CDH18: variants seen among roughly 807,000 people sequenced by gnomAD.
CDH18 encodes cadherin-18.
CDH18 carries 31 observed loss-of-function variants against 67.9 expected under a neutral mutation model. That is an observed-to-expected ratio of 0.46 (90% CI 0.34 to 0.62). CDH18 has a LOEUF of 0.62. Among genes scored for constraint, CDH18 ranks in the 20% least tolerant of loss-of-function variants. CDH18 has a pLI of 0.01. For synonymous variants in CDH18, 362 were observed against 347.2 expected, an observed-to-expected ratio of 1.04 and a Z score of -0.48; for missense variants, 890 against 975.5, an observed-to-expected ratio of 0.91 and a Z score of 1.17.
chr5:19,566,731 C>T (rs1740473167), intron 8 of CDH18, among the ~76,000 whole-genome samples: 1 of 152,126 alleles, frequency 6.6e-6, no homozygotes, highest in South Asian at 2.1e-4. Flanking sequence ...GGTGAGGACA[C>T]AGCCAAACCA....
intron 2 of CDH18, among the ~76,000 whole-genome samples, chr5:19,882,464 T>A (rs962727970): frequency 1.3e-5 from 2 of 152,106 alleles, no homozygotes; most frequent in East Asian, 3.8e-4. Flanking sequence ...GTCAAATGAA[T>A]CTTAAGAGAT....
At chr5:19,739,509 G>A (rs969676052) in intron 4 of CDH18, among the ~76,000 whole-genome samples, 4 of 152,042 alleles carry the variant, frequency 2.6e-5, no homozygotes, top group Non-Finnish European at 5.9e-5. Context: ...TGACCCTAGT[G>A]GAAGAGCAGC....
At chr5:19,630,271 A>T (rs951287988) in intron 5 of CDH18, among the ~76,000 whole-genome samples, 1 of 152,166 alleles carries the variant, frequency 6.6e-6, no homozygotes, top group East Asian at 1.9e-4. Context: ...TTTTTTATTC[A>T]GTTATTGATT....
intron 7 of CDH18, among the ~76,000 whole-genome samples, chr5:19,577,931 T>C (rs1311826714): frequency 6.6e-6 from 1 of 152,168 alleles, no homozygotes; most frequent in Non-Finnish European, 1.5e-5. Flanking sequence ...AAGGGAGATT[T>C]GGCAGAGAAA....
At chr5:19,665,492 C>T (rs1580767726) in intron 5 of CDH18, among the ~76,000 whole-genome samples, 2 of 151,936 alleles carry the variant, frequency 1.3e-5, no homozygotes, top group African/African-American at 2.4e-5. Context: ...AAATTTCATT[C>T]GTGTTGGTTA....
At chr5:20,162,161 G>A (rs898662107) in intron 2 of CDH18, among the ~76,000 whole-genome samples, 1 of 151,896 alleles carries the variant, frequency 6.6e-6, no homozygotes, top group Non-Finnish European at 1.5e-5. Context: ...TTTAGGCTTT[G>A]TTTTGTAATG....
At chr5:19,787,342 C>T (rs944393409) in intron 3 of CDH18, among the ~76,000 whole-genome samples, 26 of 151,826 alleles carry the variant, frequency 1.7e-4, no homozygotes, top group African/African-American at 6.1e-4. Context: ...GTCCCAGCTA[C>T]TAGGGAGGCT....
chr5:20,434,960 A>T (rs554087292), intron 1 of CDH18, among the ~76,000 whole-genome samples: 6 of 152,210 alleles, frequency 3.9e-5, no homozygotes, highest in African/African-American at 1.4e-4. Flanking sequence ...ATTCAGATGG[A>T]TAGCCACTGC....
At chr5:20,361,324 A>G (rs1457422703) in intron 1 of CDH18, among the ~76,000 whole-genome samples, 1 of 152,076 alleles carries the variant, frequency 6.6e-6, no homozygotes, top group Admixed American at 6.6e-5. Context: ...TTAATTAGCT[A>G]TTAAACAGTG....
intron 1 of CDH18, among the ~76,000 whole-genome samples, chr5:20,541,656 A>T (rs1178772628): frequency 2.0e-5 from 3 of 152,342 alleles, no homozygotes; most frequent in African/African-American, 7.2e-5. Context: ...TTGTCTTTTC[A>T]ATATTCTGAA....
intron 1 of CDH18, among the ~76,000 whole-genome samples, chr5:20,432,715 A>G (rs1264799552): frequency 1.3e-5 from 2 of 151,870 alleles, no homozygotes; most frequent in Non-Finnish European, 2.9e-5. Flanking sequence ...AACACCAGTC[A>G]TATTGAATTA....
At chr5:20,401,053 G>T (rs533861267) in intron 1 of CDH18, among the ~76,000 whole-genome samples, 179 of 152,216 alleles carry the variant, frequency 1.2e-3, no homozygotes, top group Non-Finnish European at 2.0e-3. Flanking sequence ...CTGAGAAAAA[G>T]AAATGGGATA....
At chr5:20,531,310 C>T (rs1756383768) in intron 1 of CDH18, among the ~76,000 whole-genome samples, 1 of 152,074 alleles carries the variant, frequency 6.6e-6, no homozygotes, top group Non-Finnish European at 1.5e-5. Context: ...ATTAATTCAA[C>T]CATTGTAGAA....
intron 1 of CDH18, among the ~76,000 whole-genome samples, chr5:20,556,639 T>A (rs1757921635): frequency 6.6e-6 from 1 of 152,142 alleles, no homozygotes; most frequent in African/African-American, 2.4e-5. Flanking sequence ...TTTACAGACC[T>A]TTTTTATCAT....
chr5:19,768,461 C>T (rs1320806898), intron 3 of CDH18, among the ~76,000 whole-genome samples: 2 of 152,076 alleles, frequency 1.3e-5, no homozygotes, highest in Non-Finnish European at 2.9e-5. Context: ...GAACATAGAT[C>T]TAACTTCTAG....
chr5:20,301,270 A>C (rs1202126268), intron 1 of CDH18, among the ~76,000 whole-genome samples: 12 of 152,218 alleles, frequency 7.9e-5, no homozygotes, highest in Admixed American at 7.9e-4. Flanking sequence ...TTCAAAAACT[A>C]ATACAAGCTG....
chr5:19,489,040 AC>A (rs1412837547), intron 11 of CDH18, among the ~76,000 whole-genome samples: 1 of 151,772 alleles, frequency 6.6e-6, no homozygotes, highest in Admixed American at 6.6e-5. Flanking sequence ...CATCTGCCAC[AC>A]TCCTTCCTAC....
chr5:20,040,415 A>G (rs892232011), intron 2 of CDH18, among the ~76,000 whole-genome samples: 1 of 152,148 alleles, frequency 6.6e-6, no homozygotes, highest in Non-Finnish European at 1.5e-5. Flanking sequence ...GTGAACAACT[A>G]AAATACTGTG....
chr5:20,392,141 T>C (rs1171826803), intron 1 of CDH18, among the ~76,000 whole-genome samples: 1 of 151,842 alleles, frequency 6.6e-6, no homozygotes, highest in Admixed American at 6.6e-5. Context: ...AACACCATAA[T>C]ATGCAAAAGT....
Sources: allele counts gnomAD v4.1 joint callset (sites outside exome capture counted in the v4.1 genomes callset), GRCh38; gene constraint gnomAD v4.1.1; transcripts MANE v1.5; gene names NCBI Gene and HGNC (gene_info 2026-07-23, HGNC 2026-07-21).